Variants in CRPPA observed in about 807,000 individuals in gnomAD.
CRPPA encodes the protein D-ribitol-5-phosphate cytidylyltransferase.
In CRPPA, 43 loss-of-function variants were observed where a neutral mutation model predicts 52.0. The ratio of observed to expected loss-of-function variants is 0.83; its 90% CI spans 0.65 to 1.07. The LOEUF (loss-of-function observed/expected upper bound fraction) is 1.07. CRPPA is among the 50% of genes least tolerant of loss of function. The probability of loss-of-function intolerance (pLI) is 0.00; values close to 1 mark genes in which losing one functional copy is unlikely to be tolerated. For synonymous variants in CRPPA, 250 were observed against 203.5 expected (o/e 1.23, Z -1.94); for missense variants, 629 against 551.7 (o/e 1.14, Z -1.40).
chr7:16,321,662 T>C (rs1341125094), intron 3 of CRPPA, among the ~76,000 whole-genome samples: 1 of 152,102 alleles, frequency 6.6e-6, no homozygotes, highest in East Asian at 1.9e-4. Context: ...TTACTCAAGT[T>C]GGATGATGTA....
chr7:16,363,420 G>A (rs916086273), intron 3 of CRPPA, among the ~76,000 whole-genome samples: 3 of 152,016 alleles, frequency 2.0e-5, no homozygotes, highest in Non-Finnish European at 4.4e-5. Flanking sequence ...ATTCACCCCA[G>A]AATCACAAAG....
At position 16,358,967 on chromosome 7, in the gene CRPPA, G is replaced by C. The variant is rs1006121464; in HGVS notation, c.684+17125C>G. ...TAAAGAAAAAAATAGATTTTTATTT[G>C]TTAAATCCATAATGTCTAAGTTCTT... On this transcript the variant is annotated intron_variant, in intron 3 of 9. Coordinates refer to ENST00000407010, the MANE Select transcript of CRPPA (RefSeq NM_001101426.4). 3.8e-4 allele frequency among the ~76,000 whole-genome samples: 58 copies of C among 152,148 alleles called. 2 individuals carry two copies.
chr7:16,131,178 A>C (rs1355158984), intron 9 of CRPPA, among the ~76,000 whole-genome samples: 2 of 152,236 alleles, frequency 1.3e-5, no homozygotes, highest in Non-Finnish European at 2.9e-5. Context: ...AAACCAAAAA[A>C]AGTGGAAGAG....
At chr7:16,332,305 G>C (rs1366590842) in intron 3 of CRPPA, among the ~76,000 whole-genome samples, 2 of 152,088 alleles carry the variant, frequency 1.3e-5, no homozygotes, top group Non-Finnish European at 2.9e-5. Flanking sequence ...AATGTTAAAA[G>C]GAGCTATTTA....
intron 3 of CRPPA, among the ~76,000 whole-genome samples, chr7:16,323,840 T>A (rs1268015801): frequency 2.0e-5 from 3 of 152,082 alleles, no homozygotes; most frequent in African/African-American, 7.2e-5. Flanking sequence ...AAAAAGCACA[T>A]CACACAAATA....
intron 5 of CRPPA, among the ~76,000 whole-genome samples, chr7:16,293,795 C>T (rs1465185880): frequency 6.6e-6 from 1 of 151,972 alleles, no homozygotes; most frequent in African/African-American, 2.4e-5. Context: ...ATCTTAACCA[C>T]ATTTTTAAGT....
intron 3 of CRPPA, among the ~76,000 whole-genome samples, chr7:16,345,993 G>A (rs1786005251): frequency 6.6e-6 from 1 of 152,104 alleles, no homozygotes; most frequent in African/African-American, 2.4e-5. Flanking sequence ...AGTGTTCTAA[G>A]GTGTTATTTA....
intron 6 of CRPPA, 139 bp downstream of exon 6, chr7:16,277,990 C>A: frequency 1.6e-6 from 1 of 634,702 alleles, no homozygotes; most frequent in South Asian, 1.7e-5. Flanking sequence ...GCTGGCAGAC[C>A]AAAGGATCTC....
intron 9 of CRPPA, among the ~76,000 whole-genome samples, chr7:16,107,849 T>A (rs1456467835): frequency 6.6e-6 from 1 of 151,924 alleles, no homozygotes; most frequent in Non-Finnish European, 1.5e-5. Flanking sequence ...AATTCTGACA[T>A]CAAAAATATA....
chr7:16,129,237 T>G (rs1243700345), intron 9 of CRPPA, among the ~76,000 whole-genome samples: 1 of 152,124 alleles, frequency 6.6e-6, no homozygotes, highest in Non-Finnish European at 1.5e-5. Flanking sequence ...TTGAATGCTC[T>G]CTTCTACCTT....
chr7:16,270,169 T>C (rs2128415795), intron 6 of CRPPA: 2 of 152,298 alleles, frequency 1.3e-5, no homozygotes, highest in South Asian at 4.1e-4. Flanking sequence ...GGTGGCTGGT[T>C]TCTGTTTTTA....
At chr7:16,397,310 T>C (rs1466127990) in intron 2 of CRPPA, among the ~76,000 whole-genome samples, 1 of 152,190 alleles carries the variant, frequency 6.6e-6, no homozygotes, top group Non-Finnish European at 1.5e-5. Context: ...GACATGTAAC[T>C]GACACGTGAT....
chr7:16,408,120 A>T (rs979474139), intron 1 of CRPPA, among the ~76,000 whole-genome samples: 3 of 150,390 alleles, frequency 2.0e-5, no homozygotes, highest in Non-Finnish European at 3.0e-5. Context: ...AAAAAAAAAA[A>T]ATAAAAAAAT....
chr7:16,329,355 T>C (rs967436335), intron 3 of CRPPA, among the ~76,000 whole-genome samples: 23 of 149,592 alleles, frequency 1.5e-4, no homozygotes, highest in South Asian at 4.2e-4. Flanking sequence ...ATTCCAGAAA[T>C]ATCAAAATAG....
chr7:16,187,920 T>G (rs1781537317), intron 9 of CRPPA, among the ~76,000 whole-genome samples: 1 of 152,102 alleles, frequency 6.6e-6, no homozygotes, highest in South Asian at 2.1e-4. Context: ...AAAACATCCT[T>G]AAAGATTAGG....
intron 9 of CRPPA, among the ~76,000 whole-genome samples, chr7:16,193,540 T>TA (rs1781660260): frequency 6.6e-6 from 1 of 152,096 alleles, no homozygotes; most frequent in Non-Finnish European, 1.5e-5. Flanking sequence ...TCCTGTAGTT[T>TA]AAAAAATATA....
At chr7:16,266,727 C>T (rs1009927189) in intron 6 of CRPPA, among the ~76,000 whole-genome samples, 10 of 152,156 alleles carry the variant, frequency 6.6e-5, no homozygotes, top group Non-Finnish European at 1.3e-4. Context: ...GATCCACCCG[C>T]CTCGGCCTCC....
chr7:16,115,642 C>G (rs1382176737), intron 9 of CRPPA, among the ~76,000 whole-genome samples: 1 of 152,132 alleles, frequency 6.6e-6, no homozygotes, highest in Non-Finnish European at 1.5e-5. Flanking sequence ...GGAGAAATTG[C>G]TCATTTCAAG....
chr7:16,409,413 G>C (rs1341541691), intron 1 of CRPPA, among the ~76,000 whole-genome samples: 1 of 152,132 alleles, frequency 6.6e-6, no homozygotes, highest in Non-Finnish European at 1.5e-5. Flanking sequence ...TTTTACTCTG[G>C]CTGCAGGGAG....
Sources: allele counts gnomAD v4.1 joint callset (sites outside exome capture counted in the v4.1 genomes callset), GRCh38; gene constraint gnomAD v4.1.1; transcripts MANE v1.5; gene names NCBI Gene and HGNC (gene_info 2026-07-23, HGNC 2026-07-21).